The following EPB41L1 variants were observed in gnomAD, a reference collection of about 807,000 sequenced individuals.
The protein encoded by EPB41L1 is erythrocyte membrane protein band 4.1 like 1, also known as band 4.1-like protein 1.
EPB41L1 carries 29 observed loss-of-function variants against 97.8 expected under a neutral mutation model. The ratio of observed to expected loss-of-function variants is 0.30; its 90% CI spans 0.22 to 0.40. The LOEUF is 0.40. EPB41L1 is among the 10% of genes least tolerant of loss of function. EPB41L1 has a pLI of 1.00. For synonymous variants in EPB41L1, 383 were observed against 459.2 expected, an observed-to-expected ratio of 0.83 and a Z score of 2.12; for missense variants, 812 against 1,162.3, an observed-to-expected ratio of 0.70 and a Z score of 4.38.
At chr20:36,151,780 C>T (rs79236950), upstream of EPB41L1, 2 of 152,438 alleles carry the variant, frequency 1.3e-5, no homozygotes, top group African/African-American at 4.8e-5. Flanking sequence ...GGGCAAGTCA[C>T]TCCCACTCTG....
At chr20:36,185,945 C>T (rs1600813718) in intron 7 of EPB41L1, among the ~76,000 whole-genome samples, 1 of 152,318 alleles carries the variant, frequency 6.6e-6, no homozygotes, top group Non-Finnish European at 1.5e-5. Context: ...GAAAGTACCT[C>T]GTTCCAGCAG....
intron 20 of EPB41L1, 39 bp downstream of exon 20, chr20:36,221,983 C>T (rs772089190): frequency 6.3e-7 from 1 of 1,599,014 alleles, no homozygotes; most frequent in South Asian, 1.1e-5. Context: ...TGCCACTGCC[C>T]AGTCCTCAAT....
intron 20 of EPB41L1, 72 bp downstream of exon 20, chr20:36,222,016 T>C (rs2063810413): frequency 2.0e-6 from 3 of 1,491,264 alleles, no homozygotes; most frequent in South Asian, 2.3e-5. Flanking sequence ...GGGTTACCCA[T>C]GGATGGCTAT....
intron 21 of EPB41L1, among the ~76,000 whole-genome samples, chr20:36,228,346 G>T (rs903229007): frequency 5.3e-5 from 8 of 152,154 alleles, no homozygotes; most frequent in African/African-American, 1.7e-4. Flanking sequence ...CCTTGCTTCA[G>T]TTCCTCCCTA....
chr20:36,102,026 CAAAACAAAACA>C (rs2058033710), intron 1 of EPB41L1, among the ~76,000 whole-genome samples: 1 of 113,178 alleles, frequency 8.8e-6, no homozygotes, highest in African/African-American at 3.7e-5. Flanking sequence ...CAAAACAAAA[CAAAACAAAACA>C]AAAAAAACAA....
intron 1 of EPB41L1, chr20:36,110,661 A>C (rs1347026442): frequency 1.4e-5 from 2 of 147,800 alleles, no homozygotes; most frequent in East Asian, 2.0e-4. Context: ...ACACACACAC[A>C]CCATTGGCCT....
chr20:36,140,566 TA>T (rs1203219594), intron 2 of EPB41L1, among the ~76,000 whole-genome samples: 1 of 152,208 alleles, frequency 6.6e-6, no homozygotes, highest in African/African-American at 2.4e-5. Flanking sequence ...CTAATACTTT[TA>T]TTATTGCTAT....
intron 2 of EPB41L1, among the ~76,000 whole-genome samples, chr20:36,129,941 T>C (rs997271666): frequency 6.8e-6 from 1 of 147,246 alleles, no homozygotes; most frequent in Non-Finnish European, 1.5e-5. Flanking sequence ...TTTGTTTTTT[T>C]TTTTTGTTTT....
At chr20:36,131,021 G>A (rs2059184172) in intron 2 of EPB41L1, among the ~76,000 whole-genome samples, 2 of 150,828 alleles carry the variant, frequency 1.3e-5, no homozygotes, top group South Asian at 4.2e-4. Flanking sequence ...TGTTGCCCAG[G>A]CTGGAGTGCA....
rs2064549398 is a variant in EPB41L1 at position 36,232,769 on chromosome 20, G to A, written c.*3429G>A. ...CTCTGTTCTTGTATACTCAATATAA[G>A]TGAAATAAATGTGTTTGATGCTGAA... On this transcript the variant is annotated 3_prime_UTR_variant, in exon 22 of 22. Coordinates refer to ENST00000338074, the MANE Select transcript of EPB41L1 (RefSeq NM_012156.2). The A allele has an allele frequency of 2.5e-6, 1 of 397,954 alleles. No homozygotes were observed. Among genetic ancestry groups the A allele is most frequent in the Non-Finnish European group, 4.4e-6 (1 of 225,950 alleles). The allele number at this position is 397,954 out of a possible 1,614,324, so 24.7% of individuals were successfully genotyped here.
chr20:36,176,575 T>G (rs1226677675), intron 3 of EPB41L1, among the ~76,000 whole-genome samples: 1 of 152,144 alleles, frequency 6.6e-6, no homozygotes, highest in Non-Finnish European at 1.5e-5. Context: ...GTCCCTCTTC[T>G]CTACAGGGTT....
At chr20:36,167,713 A>T (rs1459425633) in intron 1 of EPB41L1, among the ~76,000 whole-genome samples, 1 of 150,996 alleles carries the variant, frequency 6.6e-6, no homozygotes, top group Non-Finnish European at 1.5e-5. Context: ...ATCTCCAATA[A>T]TATTAATAAT....
chr20:36,188,284 G>A lies in EPB41L1; in HGVS notation c.874-63G>A. The A allele has an allele frequency of 1.9e-6, 3 of 1,608,458 alleles. No homozygotes were observed. In the South Asian group the frequency reaches 3.3e-5, roughly 18 times the overall value. On this transcript the variant is annotated intron_variant, in intron 8 of 21. Coordinates refer to ENST00000338074, the MANE Select transcript of EPB41L1 (RefSeq NM_012156.2). ...CGCACAGGGCAGTGTTTTCGGGGTGGGTGGTAGGCTGTCCCCAGGCATGGA... is the reference window on the plus strand; with the variant it reads ...CGCACAGGGCAGTGTTTTCGGGGTGAGTGGTAGGCTGTCCCCAGGCATGGA...
At chr20:36,211,471 T>G (rs2063130151) in intron 15 of EPB41L1, among the ~76,000 whole-genome samples, 1 of 152,166 alleles carries the variant, frequency 6.6e-6, no homozygotes, top group Admixed American at 6.6e-5. Context: ...GCTCTCTACT[T>G]CACCCCAGTC....
intron 2 of EPB41L1, 43 bp downstream of exon 2, chr20:36,173,997 G>A (rs751452904): frequency 1.1e-5 from 18 of 1,574,992 alleles, no homozygotes; most frequent in African/African-American, 2.7e-5. Context: ...TGCCCAGACC[G>A]TCCTCCAGGT....
Position 36,178,661 on chromosome 20 carries a change from A to G in EPB41L1, c.479A>G (p.Lys160Arg), listed in dbSNP as rs776330299. The G allele has an allele frequency of 9.9e-6, 16 of 1,614,050 alleles. No homozygotes were observed. The highest frequency in any genetic ancestry group is 1.4e-5 in the Non-Finnish European group (16 of 1,180,008). ...CTGGACCCCTCCAAGGAGATCAAGA[A>G]GCAGATCCGGAGTGAGTGGCTTGTT... ...NWLDPSKEIKKQIRSSPWNFA... is the reference protein window; with the variant it reads ...NWLDPSKEIKRQIRSSPWNFA... The change falls in exon 5 of 22, where the codon AAG (lysine) becomes AGG (arginine). Residue 160 changes from lysine (K) to arginine (R), a missense_variant. By Grantham distance (26) the Lys-to-Arg change is conservative. Around this residue, in one of 3 missense-constraint regions of EPB41L1, gnomAD observed 230 missense variants for 445.2 expected, o/e 0.52. Transcript: ENST00000338074.
intron 1 of EPB41L1, among the ~76,000 whole-genome samples, chr20:36,163,027 C>T (rs1027398759): frequency 3.9e-5 from 6 of 152,162 alleles, no homozygotes; most frequent in African/African-American, 1.2e-4. Flanking sequence ...CATTATCACT[C>T]AGGGAAGTGA....
rs1180148844 is a variant in EPB41L1, at chr20:36,119,372, G to A, written c.-10+6892G>A. On this transcript the variant is annotated intron_variant, in intron 2 of 19. Coordinates refer to the EPB41L1 transcript ENST00000202028. ...AATCCCAGCACTTTGGGAGGCTGAG[G>A]TGGGCAGATCGCTGGAGGTCAGTAG... Among the ~76,000 whole-genome samples the A allele has an allele frequency of 2.0e-5, 3 of 152,354 alleles. No homozygotes were observed. The East Asian group carries it at 5.8e-4, about 29-fold the overall frequency.
In EPB41L1 at chr20:36,190,229, G is replaced by A. The variant is rs373932605; in HGVS notation, c.1027-48G>A. 42 of 1,436,854 alleles carry A rather than the reference G, an allele frequency of 2.9e-5. No individual in the cohort carries two copies. The highest frequency in any genetic ancestry group is 1.5e-4 in the African/African-American group (11 of 71,508). The allele number at this position is 1,436,854 out of a possible 1,614,324, so 89.0% of individuals were successfully genotyped here. A position where few individuals can be genotyped will look rare whatever the true frequency, so the allele number is the denominator to read the frequency against. ...AAAACACAAAGAATGGGCTAGTGGC[G>A]AGAGTGAGCTCAGGCCCTGCCTCTA... On this transcript the variant is annotated intron_variant, in intron 9 of 21. Transcript: ENST00000338074. This position sits in a 1 kb window ranked among gnomAD's most constrained non-coding sequence, Gnocchi z 5.8.
Sources: gnomAD v4.1 joint callset for allele counts (sites outside exome capture counted in the v4.1 genomes callset) on GRCh38, gnomAD v4.1.1 for gene constraint, gnomAD v4.1.1 regional missense constraint, Gnocchi (gnomAD v3.1) non-coding constraint, MANE v1.5 for transcripts, NCBI Gene and HGNC (gene_info 2026-07-23, HGNC 2026-07-21) for gene names.